The following CAMK4 variants were observed in gnomAD, a reference collection of about 807,000 sequenced individuals.
CAMK4 encodes calcium/calmodulin dependent protein kinase IV, also known as calcium/calmodulin-dependent protein kinase type IV.
CAMK4 carries 22 observed loss-of-function variants against 44.9 expected under a neutral mutation model. The observed-to-expected ratio is 0.49, with a 90% confidence interval of 0.35 to 0.70. CAMK4 has a LOEUF of 0.70. Ranked by LOEUF, CAMK4 falls within the 30% of genes least tolerant of loss-of-function variation. CAMK4 has a pLI of 0.01. For synonymous variants in CAMK4, 218 were observed against 215.4 expected (o/e 1.01, Z -0.11); for missense variants, 498 against 586.8 (o/e 0.85, Z 1.56).
chr5:111,366,216 C>G (rs923771065), intron 2 of CAMK4, among the ~76,000 whole-genome samples: 16 of 151,992 alleles, frequency 1.1e-4, no homozygotes, highest in Admixed American at 8.5e-4. Context: ...AAAAATAAGT[C>G]AAAGAAGCCA....
intron 5 of CAMK4, among the ~76,000 whole-genome samples, 187 bp downstream of exon 5, chr5:111,394,969 G>C (rs1751942131): frequency 6.6e-6 from 1 of 152,086 alleles, no homozygotes; most frequent in Admixed American, 6.6e-5. Flanking sequence ...AGCACTTTGG[G>C]AGGCTGAGGC....
At chr5:111,341,170 T>A (rs532913262) in intron 1 of CAMK4, among the ~76,000 whole-genome samples, 2 of 151,454 alleles carry the variant, frequency 1.3e-5, no homozygotes, top group South Asian at 4.2e-4. Context: ...AAATATTTTC[T>A]CCCACACTTT....
chr5:111,362,750 C>T (rs1750643022), intron 2 of CAMK4, among the ~76,000 whole-genome samples: 1 of 151,952 alleles, frequency 6.6e-6, no homozygotes, highest in African/African-American at 2.4e-5. Context: ...ATGCTGGCAC[C>T]TTCTTGGGAA....
chr5:111,442,545 C>T (rs932076641), intron 5 of CAMK4, among the ~76,000 whole-genome samples: 18 of 141,350 alleles, frequency 1.3e-4, no homozygotes, highest in South Asian at 9.0e-4. Flanking sequence ...TATATATATA[C>T]ACACACACAC....
chr5:111,340,993 T>C (rs1749618018), intron 1 of CAMK4, among the ~76,000 whole-genome samples: 2 of 151,204 alleles, frequency 1.3e-5, no homozygotes, highest in African/African-American at 4.8e-5. Context: ...ATCCAATCTG[T>C]TGATGTATAT....
At chr5:111,308,654 A>C (rs1748050812) in intron 1 of CAMK4, among the ~76,000 whole-genome samples, 1 of 152,216 alleles carries the variant, frequency 6.6e-6, no homozygotes, top group Non-Finnish European at 1.5e-5. Context: ...AGAGAGGTTC[A>C]GTTTGACTCA....
At chr5:111,346,320 A>C (rs966207164) in intron 2 of CAMK4, among the ~76,000 whole-genome samples, 1 of 151,980 alleles carries the variant, frequency 6.6e-6, no homozygotes, top group Non-Finnish European at 1.5e-5. Flanking sequence ...CAACCACATA[A>C]AATTGCCTTT....
intron 8 of CAMK4, among the ~76,000 whole-genome samples, chr5:111,474,759 T>C (rs1397443435): frequency 7.2e-5 from 11 of 152,214 alleles, no homozygotes; most frequent in Non-Finnish European, 1.6e-4. Context: ...TGATATACAA[T>C]GGTTGATCGC....
chr5:111,341,063 C>T (rs561464643), intron 1 of CAMK4, among the ~76,000 whole-genome samples: 8 of 150,692 alleles, frequency 5.3e-5, no homozygotes, highest in East Asian at 3.9e-4. Flanking sequence ...GTATGTGTTC[C>T]GATATTTTGC....
chr5:111,330,089 A>AC (rs1484927679), intron 1 of CAMK4, among the ~76,000 whole-genome samples: 37 of 51,814 alleles, frequency 7.1e-4, no homozygotes, highest in Admixed American at 5.2e-3. Flanking sequence ...TCTACTCCCC[A>AC]CCACCCCTAC....
intron 1 of CAMK4, among the ~76,000 whole-genome samples, chr5:111,317,925 A>AAAAG (rs1431515979): frequency 2.0e-5 from 3 of 148,128 alleles, no homozygotes; most frequent in Admixed American, 6.7e-5. Context: ...AAAAAAAAAA[A>AAAAG]AAAGGAAAAC....
intron 5 of CAMK4, among the ~76,000 whole-genome samples, chr5:111,431,728 G>A (rs1285439042): frequency 6.6e-6 from 1 of 152,074 alleles, no homozygotes; most frequent in African/African-American, 2.4e-5. Flanking sequence ...CTCAAAAGAA[G>A]ACATACAAAT....
At chr5:111,466,762 A>G (rs10058280) in intron 7 of CAMK4, among the ~76,000 whole-genome samples, 42,462 of 152,084 alleles carry the variant, frequency 0.28, 7,191 homozygotes, top group East Asian at 0.38. Context: ...GAAAATGACC[A>G]CATTGTCAAA....
chr5:111,408,737 G>A (rs1266632986), intron 5 of CAMK4, among the ~76,000 whole-genome samples: 1 of 152,176 alleles, frequency 6.6e-6, no homozygotes, highest in Non-Finnish European at 1.5e-5. Context: ...TCAAAAGCAA[G>A]TTAGTTACTT....
chr5:111,424,417 T>C (rs557112360), intron 5 of CAMK4, among the ~76,000 whole-genome samples: 19 of 148,848 alleles, frequency 1.3e-4, no homozygotes, highest in African/African-American at 4.7e-4. Context: ...AATATATGCA[T>C]ATATGCATCT....
chr5:111,269,585 T>C (rs374228714), intron 1 of CAMK4, among the ~76,000 whole-genome samples: 46 of 152,288 alleles, frequency 3.0e-4, no homozygotes, highest in African/African-American at 1.1e-3. Flanking sequence ...TTGGGTACCA[T>C]GCAAGCACTT....
chr5:111,415,917 C>G (rs866894917), intron 5 of CAMK4, among the ~76,000 whole-genome samples: 1 of 152,172 alleles, frequency 6.6e-6, no homozygotes, highest in African/African-American at 2.4e-5. Flanking sequence ...AAGTAATCTA[C>G]AGATGATTTA....
At position 111,303,273 on chromosome 5, in the gene CAMK4, G is replaced by A. The variant is rs1219361343; in HGVS notation, c.162-40751G>A. ...TGATTTTGACGAGCTGAGAGAAGAAGGCTTCAGACGATCAGATTACTCTGA... is the reference window on the plus strand; with the variant it reads ...TGATTTTGACGAGCTGAGAGAAGAAAGCTTCAGACGATCAGATTACTCTGA... On this transcript the variant is annotated intron_variant, in intron 1 of 10. Coordinates refer to ENST00000282356, the MANE Select transcript of CAMK4 (RefSeq NM_001744.6). Among the ~76,000 whole-genome samples the A allele has an allele frequency of 3.3e-3, 445 of 134,538 alleles. 2 individuals are homozygous for A. The highest frequency in any genetic ancestry group is 0.013 in the African/African-American group (422 of 33,000). The allele number at this position is 134,538 out of a possible 152,430, so 88.3% of individuals were successfully genotyped here.
At chr5:111,335,419 GGTGA>G (rs1749360625) in intron 1 of CAMK4, among the ~76,000 whole-genome samples, 1 of 151,128 alleles carries the variant, frequency 6.6e-6, no homozygotes, top group Non-Finnish European at 1.5e-5. Flanking sequence ...TCAGCTAGTG[GGTGA>G]ATAGTTATGT....
Sources: allele counts gnomAD v4.1 joint callset (sites outside exome capture counted in the v4.1 genomes callset), GRCh38; gene constraint gnomAD v4.1.1; transcripts MANE v1.5; gene names NCBI Gene and HGNC (gene_info 2026-07-23, HGNC 2026-07-21).